Variants in ZFYVE28 observed in about 807,000 individuals in gnomAD.
ZFYVE28 encodes lateral signaling target protein 2 homolog.
ZFYVE28 carries 40 observed loss-of-function variants against 82.1 expected under a neutral mutation model. That is an observed-to-expected ratio of 0.49 (90% CI 0.38 to 0.63). The LOEUF is 0.63. ZFYVE28 is among the 30% of genes least tolerant of loss of function. ZFYVE28 has a pLI of 0.00. For missense variants in ZFYVE28, 1,321 were observed against 1,242.1 expected (o/e 1.06, Z -0.96); for synonymous variants, 612 against 546.1 (o/e 1.12, Z -1.68).
chr4:2,416,653 C>T lies in ZFYVE28; in HGVS notation c.39+1632G>A, dbSNP rs1279296887. On this transcript the variant is annotated intron_variant, in intron 1 of 12. Transcript: ENST00000290974. This position sits in a 1 kb window ranked among gnomAD's most constrained non-coding sequence, Gnocchi z 4.6. ...GGCAGGACCGAGAGGGGCTCGAAGG[C>T]GCCGCAGGAGGAGAGGCTGGGCGCA... is the stretch of plus-strand genomic sequence containing the variant. 6.6e-6 allele frequency among the ~76,000 whole-genome samples: 1 copy of T among 152,178 alleles called. No homozygotes were observed. Among genetic ancestry groups the T allele is most frequent in the African/African-American group, 2.4e-5 (1 of 41,426 alleles).
At chr4:2,273,317 G>A (rs753929623) in intron 9 of ZFYVE28, 28 bp from the exon 10 acceptor site, 53 of 1,589,500 alleles carry the variant, frequency 3.3e-5, no homozygotes, top group African/African-American at 6.7e-5. Flanking sequence ...CAGTAACCAC[G>A]ACAGAAGGAC....
chr4:2,383,071 A>G (rs1578330372), intron 1 of ZFYVE28, among the ~76,000 whole-genome samples: 1 of 152,146 alleles, frequency 6.6e-6, no homozygotes, highest in African/African-American at 2.4e-5. Context: ...TCAAGTTGCG[A>G]CTTTGGCGGG....
intron 1 of ZFYVE28, among the ~76,000 whole-genome samples, chr4:2,368,243 A>T (rs149635831): frequency 0.014 from 1,993 of 145,320 alleles, 23 homozygotes; most frequent in Middle Eastern, 0.037. Context: ...CTGTATCTAC[A>T]CACAAAAGAT....
chr4:2,353,125 T>G (rs906434518), intron 2 of ZFYVE28, among the ~76,000 whole-genome samples: 3 of 152,234 alleles, frequency 2.0e-5, no homozygotes, highest in Non-Finnish European at 4.4e-5. Context: ...GCCCAGAGCC[T>G]GATCCGGCCA....
intron 5 of ZFYVE28, among the ~76,000 whole-genome samples, chr4:2,336,799 TGAG>T (rs1273258933): frequency 5.9e-5 from 7 of 118,850 alleles, no homozygotes; most frequent in African/African-American, 2.0e-4. Flanking sequence ...AGTGAGGAGA[TGAG>T]GAGGTGAGGA....
intron 1 of ZFYVE28, among the ~76,000 whole-genome samples, chr4:2,385,335 G>A (rs937080986): frequency 2.6e-5 from 4 of 151,832 alleles, no homozygotes; most frequent in Admixed American, 6.6e-5. Flanking sequence ...AGGCCCCAGC[G>A]CTGAGAGAGC....
At chr4:2,404,857 C>A (rs368735272) in intron 1 of ZFYVE28, among the ~76,000 whole-genome samples, 2 of 110,998 alleles carry the variant, frequency 1.8e-5, no homozygotes, top group African/African-American at 7.1e-5. Context: ...CAGTCTCGCT[C>A]TTTTTTTTTT....
At chr4:2,311,007 C>G (rs1032794633) in intron 7 of ZFYVE28, among the ~76,000 whole-genome samples, 1 of 152,020 alleles carries the variant, frequency 6.6e-6, no homozygotes, top group African/African-American at 2.4e-5. Flanking sequence ...TCTATTTCTT[C>G]TTCTGTTAGC....
intron 8 of ZFYVE28, among the ~76,000 whole-genome samples, chr4:2,275,917 C>T (rs1209386715): frequency 6.6e-6 from 1 of 152,162 alleles, no homozygotes; most frequent in Non-Finnish European, 1.5e-5. Context: ...AATGGAAGAC[C>T]CACCGTGATC....
At chr4:2,338,670 G>T (rs1388728836) in intron 4 of ZFYVE28, among the ~76,000 whole-genome samples, 1 of 152,218 alleles carries the variant, frequency 6.6e-6, no homozygotes, top group Non-Finnish European at 1.5e-5. Flanking sequence ...ATTTGGGGAA[G>T]ACAAGAAAAT....
chr4:2,273,721 G>C (rs945858056), intron 9 of ZFYVE28, among the ~76,000 whole-genome samples: 1 of 152,124 alleles, frequency 6.6e-6, no homozygotes, highest in African/African-American at 2.4e-5. Context: ...ACCCCTCGCA[G>C]GCACAGCCCC....
intron 8 of ZFYVE28, among the ~76,000 whole-genome samples, chr4:2,294,016 T>G (rs113498115): frequency 6.6e-6 from 1 of 151,536 alleles, no homozygotes. Flanking sequence ...ATTAAGATGC[T>G]AATTCTTTCC....
intron 1 of ZFYVE28, among the ~76,000 whole-genome samples, chr4:2,365,434 ACGCCAGCCTCCCCAGGGTCTG>A (rs1286003319): frequency 6.6e-6 from 1 of 151,994 alleles, no homozygotes; most frequent in East Asian, 1.9e-4. Flanking sequence ...GGTAACAACA[ACGCCAGCCTCCCCAGGGTCTG>A]CGCCAGTCAC....
At chr4:2,385,558 C>G (rs1039648069) in intron 1 of ZFYVE28, among the ~76,000 whole-genome samples, 1 of 152,238 alleles carries the variant, frequency 6.6e-6, no homozygotes, top group African/African-American at 2.4e-5. Flanking sequence ...CGGGTCAGAC[C>G]TACATGGTTG....
chr4:2,271,541 G>A (rs895896958), intron 11 of ZFYVE28, 127 bp from the exon 12 acceptor site: 2 of 1,415,572 alleles, frequency 1.4e-6, no homozygotes, highest in African/African-American at 1.4e-5. Context: ...CAGCCTCCGG[G>A]GGGGCGGTCT....
intron 1 of ZFYVE28, among the ~76,000 whole-genome samples, chr4:2,355,625 T>C (rs1283144367): frequency 6.6e-6 from 1 of 151,960 alleles, no homozygotes; most frequent in Non-Finnish European, 1.5e-5. Flanking sequence ...TTGCCCAGGC[T>C]GGAGTACAGT....
At chr4:2,413,367 G>T (rs1160408874) in intron 1 of ZFYVE28, among the ~76,000 whole-genome samples, 2 of 152,226 alleles carry the variant, frequency 1.3e-5, no homozygotes, top group African/African-American at 4.8e-5. Flanking sequence ...TTCTGGGAGG[G>T]GTGGCATGAC....
At chr4:2,280,781 T>C (rs760400783) in intron 8 of ZFYVE28, among the ~76,000 whole-genome samples, 1 of 152,166 alleles carries the variant, frequency 6.6e-6, no homozygotes, top group East Asian at 1.9e-4. Flanking sequence ...TGTTTCCCTG[T>C]GAAAGGAGAA....
At chr4:2,276,415 A>AGGGGCCT (rs1736451274) in intron 8 of ZFYVE28, among the ~76,000 whole-genome samples, 1 of 152,132 alleles carries the variant, frequency 6.6e-6, no homozygotes, top group Non-Finnish European at 1.5e-5. Context: ...TGAATAAGGG[A>AGGGGCCT]GGGGCCTTCA....
Sources: gnomAD v4.1 joint callset for allele counts (sites outside exome capture counted in the v4.1 genomes callset) on GRCh38, gnomAD v4.1.1 for gene constraint, Gnocchi (gnomAD v3.1) non-coding constraint, MANE v1.5 for transcripts, NCBI Gene and HGNC (gene_info 2026-07-23, HGNC 2026-07-21) for gene names.